Variants in CDYL observed in about 807,000 individuals in gnomAD.
The protein encoded by CDYL is chromodomain Y-like protein.
A neutral mutation model predicts 47.3 loss-of-function variants in CDYL; 8 were observed. The observed-to-expected ratio is 0.17, with a 90% CI of 0.10 to 0.31. The LOEUF is 0.31. Ranked by LOEUF, CDYL falls within the 10% of genes least tolerant of loss-of-function variation. The pLI is 1.00. For missense variants in CDYL, 471 were observed against 701.4 expected (o/e 0.67, Z 3.71); for synonymous variants, 266 against 265.0 (o/e 1.00, Z -0.04).
At chr6:4,921,136 G>T (rs1001329826) in intron 2 of CDYL, among the ~76,000 whole-genome samples, 27 of 152,178 alleles carry the variant, frequency 1.8e-4, no homozygotes, top group Non-Finnish European at 3.2e-4. Context: ...CAGCTTCAGG[G>T]TAGGTGGGTA....
intron 1 of CDYL, among the ~76,000 whole-genome samples, chr6:4,870,153 C>T (rs888254978): frequency 6.6e-6 from 1 of 152,150 alleles, no homozygotes; most frequent in Non-Finnish European, 1.5e-5. Flanking sequence ...TAACTTCAAA[C>T]TCATAGGTTC....
chr6:4,745,811 G>A (rs17138806), intron 3 of CDYL, among the ~76,000 whole-genome samples: 8,667 of 152,190 alleles, frequency 0.057, 854 homozygotes, highest in African/African-American at 0.2. Context: ...CTGAGGCCTG[G>A]GAGGATAAAT....
chr6:4,776,746 C>CCCCCCCG lies in CDYL; in HGVS notation c.-38_-37insCCCCCCG. 5 of 1,160,748 alleles carry CCCCCCCG rather than the reference C, an allele frequency of 4.3e-6. No individual in the cohort carries two copies. Among genetic ancestry groups the CCCCCCCG allele is most frequent in the Non-Finnish European group, 5.7e-6 (5 of 884,588 alleles). The allele number at this position is 1,160,748 out of a possible 1,614,324, so 71.9% of individuals were successfully genotyped here. A position where few individuals can be genotyped will look rare whatever the true frequency, so the allele number is the denominator to read the frequency against. The stretch of plus-strand genomic sequence containing the variant: ...GGCCGCCCGGCGCCGGCGCCCGCCC[C>CCCCCCCG]GACCCTGCCCCTCCCGCCCGCAACT... On this transcript the variant is annotated 5_prime_UTR_variant, in exon 1 of 7. Transcript: ENST00000397588.
chr6:4,715,649 T>C lies in CDYL; in HGVS notation c.-38-92T>C, dbSNP rs528232692. 5 of 1,267,586 alleles carry C rather than the reference T, an allele frequency of 3.9e-6. No individual in the cohort carries two copies. In the Middle Eastern group the frequency reaches 5.9e-4, roughly 149 times the overall value. 78.5% of individuals were successfully genotyped at this position (1,267,586 alleles called of 1,614,324 possible). The stretch of plus-strand genomic sequence containing the variant: ...AATGCTGGCTCACTCTCAGATTCAA[T>C]GTAGAACTGGTGAAAGTCATTAAAT... On this transcript the variant is annotated intron_variant, in intron 1 of 8. Transcript: ENST00000328908.
chr6:4,720,415 A>G (rs1178142692), intron 2 of CDYL, among the ~76,000 whole-genome samples: 1 of 152,214 alleles, frequency 6.6e-6, no homozygotes, highest in East Asian at 1.9e-4. Context: ...GCATGAAATA[A>G]ATGTTTGTTG....
At chr6:4,785,004 T>C (rs536281032) in intron 1 of CDYL, among the ~76,000 whole-genome samples, 1 of 152,326 alleles carries the variant, frequency 6.6e-6, no homozygotes, top group African/African-American at 2.4e-5. Flanking sequence ...TGGAACTGAG[T>C]TAATTAAACT....
intron 2 of CDYL, among the ~76,000 whole-genome samples, chr6:4,918,389 G>A (rs1466633922): frequency 6.7e-6 from 1 of 149,850 alleles, no homozygotes. Flanking sequence ...CTTTTTTTTG[G>A]CACTTTGAGG....
intron 1 of CDYL, among the ~76,000 whole-genome samples, chr6:4,885,876 T>A (rs1761886466): frequency 6.6e-6 from 1 of 152,150 alleles, no homozygotes; most frequent in Admixed American, 6.5e-5. Context: ...CAAAAAGAAA[T>A]CTAGTATCCA....
intron 1 of CDYL, among the ~76,000 whole-genome samples, chr6:4,830,384 C>T (rs1053665357): frequency 6.6e-6 from 1 of 152,148 alleles, no homozygotes; most frequent in Non-Finnish European, 1.5e-5. Flanking sequence ...TCTTGGCTGG[C>T]ATTGATAGTT....
intron 5 of CDYL, among the ~76,000 whole-genome samples, chr6:4,951,412 T>A (rs1335307308): frequency 1.3e-5 from 2 of 152,146 alleles, no homozygotes; most frequent in Non-Finnish European, 2.9e-5. Flanking sequence ...GTAAAATCCA[T>A]ACATGTTGTA....
At chr6:4,932,304 T>C (rs1318923708) in intron 2 of CDYL, among the ~76,000 whole-genome samples, 2 of 152,216 alleles carry the variant, frequency 1.3e-5, no homozygotes, top group Non-Finnish European at 2.9e-5. Context: ...AGGGCTCACT[T>C]CCTGGTTCAC....
chr6:4,810,841 TG>T (rs1759507720), intron 1 of CDYL, among the ~76,000 whole-genome samples: 1 of 152,212 alleles, frequency 6.6e-6, no homozygotes, highest in South Asian at 2.1e-4. Context: ...CACTCTCCTA[TG>T]TATGAGACCT....
intron 1 of CDYL, among the ~76,000 whole-genome samples, chr6:4,780,017 T>C (rs1758568430): frequency 1.3e-5 from 2 of 152,168 alleles, no homozygotes; most frequent in Admixed American, 6.5e-5. Context: ...TCCACAAAAA[T>C]AGGCAGTGGG....
At position 4,740,929 on chromosome 6, in the gene CDYL, G is replaced by A. The variant is rs540494237; in HGVS notation, c.186+6085G>A. Among the ~76,000 whole-genome samples the A allele has an allele frequency of 1.3e-4, 20 of 152,078 alleles. No individual in the cohort carries two copies. In the South Asian group the frequency reaches 4.0e-3, roughly 30 times the overall value. Reference sequence around the variant, plus strand: ...AGCCTCTGGAGTAGCTGGGATTACAGGCATGTGCCACCGTGCCTGGCTAAT... The same window carrying A: ...AGCCTCTGGAGTAGCTGGGATTACAAGCATGTGCCACCGTGCCTGGCTAAT... On this transcript the variant is annotated intron_variant, in intron 3 of 8. Coordinates refer to the CDYL transcript ENST00000328908.
At chr6:4,740,634 T>C (rs1274671177) in intron 3 of CDYL, among the ~76,000 whole-genome samples, 1 of 152,136 alleles carries the variant, frequency 6.6e-6, no homozygotes, top group African/African-American at 2.4e-5. Context: ...AGCCACATCT[T>C]CTTTCTAATC....
At chr6:4,760,151 T>C (rs1242241139) in intron 3 of CDYL, among the ~76,000 whole-genome samples, 3 of 151,750 alleles carry the variant, frequency 2.0e-5, no homozygotes, top group African/African-American at 7.3e-5. Context: ...TCTTATACTT[T>C]GGAAAGAACA....
At chr6:4,825,367 G>C (rs2179270) in intron 1 of CDYL, among the ~76,000 whole-genome samples, 1 of 151,974 alleles carries the variant, frequency 6.6e-6, no homozygotes, top group African/African-American at 2.4e-5. Context: ...TTGTGAATGA[G>C]TAGTGATAGT....
chr6:4,845,154 C>T (rs1029435186), intron 1 of CDYL, among the ~76,000 whole-genome samples: 1 of 152,172 alleles, frequency 6.6e-6, no homozygotes, highest in Non-Finnish European at 1.5e-5. Flanking sequence ...TGCTTACTTG[C>T]AAACTTTGAT....
chr6:4,847,772 C>G (rs1760706534), intron 1 of CDYL, among the ~76,000 whole-genome samples: 1 of 152,180 alleles, frequency 6.6e-6, no homozygotes, highest in African/African-American at 2.4e-5. Context: ...CTTCTGCTGT[C>G]TTTTGAATTA....
Sources: gnomAD v4.1 joint callset for allele counts (sites outside exome capture counted in the v4.1 genomes callset) on GRCh38, gnomAD v4.1.1 for gene constraint, MANE v1.5 for transcripts, NCBI Gene and HGNC (gene_info 2026-07-23, HGNC 2026-07-21) for gene names.